TMEM8B: variants seen among roughly 807,000 people sequenced by gnomAD.
TMEM8B encodes transmembrane protein 8B, also known as nasopharyngeal carcinoma expressed 6.
A neutral mutation model predicts 49.3 loss-of-function variants in TMEM8B; 29 were observed. The observed-to-expected ratio is 0.59, with a 90% CI of 0.44 to 0.80. The LOEUF (loss-of-function observed/expected upper bound fraction) is 0.80, where lower values mean the gene tolerates loss of function less well. TMEM8B is among the 30% of genes least tolerant of loss of function. The pLI is 0.00. For missense variants in TMEM8B, 575 were observed against 658.5 expected (o/e 0.87, Z 1.39); for synonymous variants, 264 against 272.8 (o/e 0.97, Z 0.32).
Position 35,842,922 on chromosome 9 carries a change from A to G in TMEM8B, c.1635+205A>G, listed in dbSNP as rs976453727. ...TCTGCTACAGATGGGCGGGTCAACC[A>G]GGTCAACTCAGTGTCTGGGGTTTCC... On this transcript the variant is annotated intron_variant, in intron 6 of 12. Transcript: ENST00000643932. The surrounding 1 kb of genome is among the most constrained non-coding windows in gnomAD (Gnocchi z 5.6). 1.3e-5 allele frequency among the ~76,000 whole-genome samples: 2 copies of G among 152,256 alleles called. No homozygotes were observed. Among genetic ancestry groups the G allele is most frequent in the Non-Finnish European group, 2.9e-5 (2 of 68,048 alleles).
chr9:35,835,391 A>G, intron 3 of TMEM8B, 173 bp downstream of exon 3: 1 of 397,774 alleles, frequency 2.5e-6, no homozygotes, highest in Non-Finnish European at 4.5e-6. Context: ...GTCAGAGGCC[A>G]TGATCTGGAG....
chr9:35,838,668 C>A (rs1454209194), intron 3 of TMEM8B, among the ~76,000 whole-genome samples: 2 of 152,070 alleles, frequency 1.3e-5, no homozygotes, highest in Admixed American at 6.6e-5. Flanking sequence ...AAAATCAAAT[C>A]AAAGTGAAGC....
chr9:35,829,604 CG>C lies in TMEM8B; in HGVS notation c.159del (p.Pro54LeufsTer78), dbSNP rs1032291578. 7 of 399,962 alleles carry C rather than the reference CG, an allele frequency of 1.8e-5. No homozygotes were observed. The highest frequency in any genetic ancestry group is 3.1e-5 in the Non-Finnish European group (7 of 226,838). 24.8% of individuals were successfully genotyped at this position (399,962 alleles called of 1,614,324 possible). Reference protein sequence around the residue: ...QSLPLAWPPSRPRPSFHPLSQ... With the variant: ...QSLPLAWPPSXPRPSFHPLSQ... ...TCTGCCCCTGGCCTGGCCCCCATCCCGGCCTCGGCCCTCGTTCCACCCCCTG... is the reference window on the plus strand; with the variant it reads ...TCTGCCCCTGGCCTGGCCCCCATCCCGCCTCGGCCCTCGTTCCACCCCCTG... On this transcript the variant is annotated frameshift_variant, in exon 1 of 13. Coordinates refer to ENST00000643932, the MANE Select transcript of TMEM8B (RefSeq NM_001042590.4). LOFTEE classifies it high-confidence loss of function.
rs1252061748 is a variant in TMEM8B, at chr9:35,860,731, G to A, written c.*6891G>A. The A allele has an allele frequency of 6.6e-6, 1 of 152,212 alleles. No individual in the cohort carries two copies. The highest frequency in any genetic ancestry group is 1.5e-5 in the Non-Finnish European group (1 of 68,046). The allele number at this position is 152,212 out of a possible 1,614,324, so 9.4% of individuals were successfully genotyped here. Reference sequence around the variant, plus strand: ...GTTACTGGTCACAGGACTGAACTGTGGTCATGAAAGCCAAGCAACTTACTT... The same window carrying A: ...GTTACTGGTCACAGGACTGAACTGTAGTCATGAAAGCCAAGCAACTTACTT... On this transcript the variant is annotated 3_prime_UTR_variant, in exon 13 of 13. Coordinates refer to ENST00000643932, the MANE Select transcript of TMEM8B (RefSeq NM_001042590.4).
chr9:35,850,538 A>C (rs183338868), intron 10 of TMEM8B, among the ~76,000 whole-genome samples: 1 of 152,216 alleles, frequency 6.6e-6, no homozygotes, highest in African/African-American at 2.4e-5. Flanking sequence ...AACCTTAAAC[A>C]ATCTCTTTGA....
At chr9:35,843,304 CTAT>C (rs950729790) in intron 6 of TMEM8B, among the ~76,000 whole-genome samples, 2 of 152,168 alleles carry the variant, frequency 1.3e-5, no homozygotes, top group Non-Finnish European at 2.9e-5. Context: ...ACGTTTTCCC[CTAT>C]TATTAATATC....
chr9:35,854,695 C>T lies in TMEM8B; in HGVS notation c.*855C>T, dbSNP rs1346229217. The T allele has an allele frequency of 6.6e-6, 1 of 151,788 alleles. No individual in the cohort carries two copies. Among genetic ancestry groups the T allele is most frequent in the East Asian group, 1.9e-4 (1 of 5,190 alleles). 9.4% of individuals were successfully genotyped at this position (151,788 alleles called of 1,614,324 possible). A position where few individuals can be genotyped will look rare whatever the true frequency, so the allele number is the denominator to read the frequency against. ...GTGTGTTTATGTATGTATACGTATG[C>T]TGAGATGATTTAAATCAGTGAGACA... On this transcript the variant is annotated 3_prime_UTR_variant, in exon 13 of 13. Coordinates refer to ENST00000643932, the MANE Select transcript of TMEM8B (RefSeq NM_001042590.4).
In TMEM8B at chr9:35,856,491, A is replaced by G. The variant is rs777630011; in HGVS notation, c.*2651A>G. On this transcript the variant is annotated 3_prime_UTR_variant, in exon 13 of 13. Coordinates refer to ENST00000643932, the MANE Select transcript of TMEM8B (RefSeq NM_001042590.4). ...TAAGTGGAGGTTGGGTCTTTATTCT[A>G]TGGGAAATGAGGAGCCATTGGAGAG... The G allele has an allele frequency of 2.0e-5, 3 of 152,130 alleles. No individual in the cohort carries two copies. The highest frequency in any genetic ancestry group is 1.9e-4 in the East Asian group (1 of 5,194). 9.4% of individuals were successfully genotyped at this position (152,130 alleles called of 1,614,324 possible).
At position 35,858,879 on chromosome 9, in the gene TMEM8B, A is replaced by G. The variant is rs1476217499; in HGVS notation, c.*5039A>G. 6.6e-6 allele frequency: 1 copy of G among 152,284 alleles called. No homozygotes were observed. The highest frequency in any genetic ancestry group is 2.4e-5 in the African/African-American group (1 of 41,442). The allele number at this position is 152,284 out of a possible 1,614,324, so 9.4% of individuals were successfully genotyped here. A position where few individuals can be genotyped will look rare whatever the true frequency, so the allele number is the denominator to read the frequency against. On this transcript the variant is annotated 3_prime_UTR_variant, in exon 13 of 13. Coordinates refer to ENST00000643932, the MANE Select transcript of TMEM8B (RefSeq NM_001042590.4). Reference sequence around the variant, plus strand: ...GCTGTTTTGTCATCCTGAGTCCCAGAGGGGTGAAGACCATGATGCGGAGCA... The same window carrying G: ...GCTGTTTTGTCATCCTGAGTCCCAGGGGGGTGAAGACCATGATGCGGAGCA...
chr9:35,853,292 A>G lies in TMEM8B; in HGVS notation c.2439+35A>G, dbSNP rs748493024. The G allele has an allele frequency of 9.4e-5, 148 of 1,580,732 alleles. No individual in the cohort carries two copies. Among genetic ancestry groups the G allele is most frequent in the Non-Finnish European group, 1.2e-4 (141 of 1,150,738 alleles). ...GGGAGGGATGTGGGGGGAGGGTCCC[A>G]GCAGGACTTGGGTGCTGGGCCCCAG... is the stretch of plus-strand genomic sequence containing the variant. On this transcript the variant is annotated intron_variant, in intron 12 of 12. Coordinates refer to ENST00000643932, the MANE Select transcript of TMEM8B (RefSeq NM_001042590.4). This position sits in a 1 kb window ranked among gnomAD's most constrained non-coding sequence, Gnocchi z 4.2.
At chr9:35,844,007 G>A (rs754135227) in intron 6 of TMEM8B, among the ~76,000 whole-genome samples, 17 of 152,162 alleles carry the variant, frequency 1.1e-4, no homozygotes, top group African/African-American at 3.1e-4. Flanking sequence ...CAACTGATCC[G>A]CCTGCCTCGG....
intron 3 of TMEM8B, among the ~76,000 whole-genome samples, chr9:35,836,118 TTGAA>T (rs1830425975): frequency 6.6e-6 from 1 of 152,116 alleles, no homozygotes; most frequent in Non-Finnish European, 1.5e-5. Context: ...AATAGTGCCT[TTGAA>T]TGAGCTGAGA....
rs1832525919 is a variant in TMEM8B, at chr9:35,855,944, T to G, written c.*2104T>G. The G allele has an allele frequency of 6.6e-6, 1 of 152,196 alleles. No homozygotes were observed. The highest frequency in any genetic ancestry group is 2.4e-5 in the African/African-American group (1 of 41,420). The allele number at this position is 152,196 out of a possible 1,614,324, so 9.4% of individuals were successfully genotyped here. ...ATCAGAAATACCACATTAAGACGTA[T>G]AGAGCCAGGTCACTGGGATGCTTGA... On this transcript the variant is annotated 3_prime_UTR_variant, in exon 13 of 13. Transcript: ENST00000643932.
At chr9:35,851,677 G>C (rs556555076) in intron 10 of TMEM8B, among the ~76,000 whole-genome samples, 53 of 152,302 alleles carry the variant, frequency 3.5e-4, no homozygotes, top group Admixed American at 1.4e-3. Flanking sequence ...AAAGAAGATA[G>C]ATACGCAAGC....
At position 35,846,083 on chromosome 9, in the gene TMEM8B, G is replaced by T. The variant is rs764621383; in HGVS notation, c.1729+15G>T. ...CTGTTCCAAAGGTGAGGTGAGGAAT[G>T]GGGGAGGAGAGGAAGCTGCAGTGTG... On this transcript the variant is annotated intron_variant, in intron 7 of 12. Coordinates refer to ENST00000643932, the MANE Select transcript of TMEM8B (RefSeq NM_001042590.4). 2.5e-6 allele frequency: 4 copies of T among 1,613,692 alleles called. No homozygotes were observed. The Admixed American group carries it at 5.0e-5, about 20-fold the overall frequency.
In TMEM8B at chr9:35,842,287, C is replaced by T. The variant is rs1831090476; in HGVS notation, c.1310-105C>T. The stretch of plus-strand genomic sequence containing the variant: ...AGGGACATCGCATTCTAGTTCTCAT[C>T]CTTCCCCACTCTTTGCGAAATCCTG... On this transcript the variant is annotated intron_variant, in intron 5 of 12. Coordinates refer to ENST00000643932, the MANE Select transcript of TMEM8B (RefSeq NM_001042590.4). This position sits in a 1 kb window ranked among gnomAD's most constrained non-coding sequence, Gnocchi z 5.6. The T allele has an allele frequency of 1.2e-6, 1 of 856,082 alleles. No homozygotes were observed. Among genetic ancestry groups the T allele is most frequent in the Admixed American group, 3.3e-5 (1 of 30,102 alleles). The allele number at this position is 856,082 out of a possible 1,614,324, so 53.0% of individuals were successfully genotyped here.
rs532499544 is a variant in TMEM8B at position 35,836,726 on chromosome 9, C to T, written c.906+1508C>T. Among the ~76,000 whole-genome samples the T allele has an allele frequency of 2.0e-5, 3 of 152,314 alleles. No individual in the cohort carries two copies. The East Asian group carries it at 5.8e-4, about 29-fold the overall frequency. On this transcript the variant is annotated intron_variant, in intron 3 of 12. Coordinates refer to ENST00000643932, the MANE Select transcript of TMEM8B (RefSeq NM_001042590.4). ...AGGAAATAACTAGGTCTGACATGTG[C>T]ATTTGCATCTAGACATGGGAAGCGG...
At chr9:35,834,931 A>C (rs987660212) in intron 2 of TMEM8B, 80 bp from the exon 3 acceptor site, 3 of 415,034 alleles carry the variant, frequency 7.2e-6, no homozygotes, top group Middle Eastern at 3.1e-4. Context: ...GAAGAGTGAC[A>C]GTTCTTTTCT....
chr9:35,844,716 A>G (rs1831349705), intron 6 of TMEM8B, among the ~76,000 whole-genome samples: 1 of 152,350 alleles, frequency 6.6e-6, no homozygotes, highest in Non-Finnish European at 1.5e-5. Flanking sequence ...CCTTACGCAT[A>G]CTTGTTCTTT....
Sources: allele counts gnomAD v4.1 joint callset (sites outside exome capture counted in the v4.1 genomes callset), GRCh38; gene constraint gnomAD v4.1.1; non-coding constraint Gnocchi (gnomAD v3.1); transcripts MANE v1.5; gene names NCBI Gene and HGNC (gene_info 2026-07-23, HGNC 2026-07-21).